Variants in RTTN observed in about 807,000 individuals in gnomAD.
The protein encoded by RTTN is rotatin.
In RTTN, 182 loss-of-function variants were observed where a neutral mutation model predicts 269.2. The observed-to-expected ratio is 0.68, with a 90% CI of 0.60 to 0.76. The LOEUF is 0.76. Ranked by LOEUF, RTTN falls within the 30% of genes least tolerant of loss-of-function variation. The pLI is 0.00. For synonymous variants in RTTN, 1,006 were observed against 963.5 expected, an observed-to-expected ratio of 1.04 and a Z score of -0.82; for missense variants, 2,545 against 2,608.6, an observed-to-expected ratio of 0.98 and a Z score of 0.53.
At chr18:70,007,723 C>A (rs1416133365) in intron 46 of RTTN, 2 of 152,390 alleles carry the variant, frequency 1.3e-5, no homozygotes, top group Non-Finnish European at 2.9e-5. Flanking sequence ...CCTCTCTGGG[C>A]AGGCCATCTC....
intron 46 of RTTN, among the ~76,000 whole-genome samples, 175 bp downstream of exon 46, chr18:70,017,230 TGG>T (rs2056567477): frequency 6.6e-6 from 1 of 152,170 alleles, no homozygotes; most frequent in Non-Finnish European, 1.5e-5. Context: ...AGGAGACTCC[TGG>T]AAGCCCACGG....
intron 26 of RTTN, among the ~76,000 whole-genome samples, chr18:70,119,379 C>CG (rs1226465060): frequency 4.0e-5 from 6 of 151,544 alleles, no homozygotes; most frequent in Admixed American, 2.6e-4. Context: ...AAGATCTCTA[C>CG]ACTAATGTCC....
At position 70,150,651 on chromosome 18, in the gene RTTN, AGAACTTTTGGATGAAGT is replaced by A; in HGVS notation, c.1995_2011del (p.Leu666ValfsTer2). 4 of 1,612,662 alleles carry A rather than the reference AGAACTTTTGGATGAAGT, an allele frequency of 2.5e-6. No individual in the cohort carries two copies. Among genetic ancestry groups the A allele is most frequent in the Non-Finnish European group, 3.4e-6 (4 of 1,178,928 alleles). On this transcript the variant is annotated frameshift_variant, in exon 15 of 49. Coordinates refer to ENST00000640769, the MANE Select transcript of RTTN (RefSeq NM_173630.4). LOFTEE classifies it high-confidence loss of function. ...AATGCCAAATACAGAGATTTCATAC[AGAACTTTTGGATGAAGT>A]AGAAAATGAATTCCATTGCAAAGTG...
intron 38 of RTTN, among the ~76,000 whole-genome samples, chr18:70,053,014 G>A (rs960096509): frequency 2.0e-5 from 3 of 152,078 alleles, no homozygotes; most frequent in Non-Finnish European, 4.4e-5. Context: ...GCATTCACAA[G>A]GCAGCCAATA....
chr18:70,136,931 C>A (rs1273465123), intron 21 of RTTN, among the ~76,000 whole-genome samples: 2 of 151,960 alleles, frequency 1.3e-5, no homozygotes, highest in Non-Finnish European at 2.9e-5. Context: ...AATGTATACT[C>A]ACATGAAATA....
At chr18:70,192,586 C>T (rs1425267278) in intron 8 of RTTN, among the ~76,000 whole-genome samples, 3 of 147,498 alleles carry the variant, frequency 2.0e-5, no homozygotes, top group Non-Finnish European at 1.5e-5. Context: ...GAGGCTGAGG[C>T]GAAAGGATCA....
chr18:70,200,092 T>C (rs1049904313), intron 4 of RTTN, among the ~76,000 whole-genome samples: 12 of 152,224 alleles, frequency 7.9e-5, no homozygotes, highest in Non-Finnish European at 1.6e-4. Flanking sequence ...AGATCTTATA[T>C]AGTACAAGTT....
chr18:70,127,753 G>T lies in RTTN; in HGVS notation c.3144-12C>A. On this transcript the variant is annotated splice_polypyrimidine_tract_variant and intron_variant, in intron 24 of 48. Transcript: ENST00000640769. Reference sequence around the variant, plus strand: ...ATGCATCTAAAATTCTAGACAAAAAGAAAAAAAATGAAGGAGGAACATAAA... The same window carrying T: ...ATGCATCTAAAATTCTAGACAAAAATAAAAAAAATGAAGGAGGAACATAAA... 1 of 1,573,718 alleles carries T rather than the reference G, an allele frequency of 6.4e-7. No homozygotes were observed.
intron 10 of RTTN, among the ~76,000 whole-genome samples, chr18:70,185,931 T>C (rs556418392): frequency 1.3e-5 from 2 of 152,024 alleles, no homozygotes; most frequent in Non-Finnish European, 2.9e-5. Context: ...TTGAAAAGAA[T>C]ACTTAAGAAT....
intron 21 of RTTN, among the ~76,000 whole-genome samples, chr18:70,136,038 A>G (rs1356805355): frequency 6.6e-6 from 1 of 152,178 alleles, no homozygotes; most frequent in East Asian, 1.9e-4. Context: ...CAGCAATAAG[A>G]AGTTTTGAGA....
intron 40 of RTTN, among the ~76,000 whole-genome samples, chr18:70,037,654 T>A (rs917105849): frequency 2.6e-5 from 4 of 152,196 alleles, no homozygotes; most frequent in Admixed American, 2.6e-4. Flanking sequence ...TGGGACGTGC[T>A]GACTTTAGGT....
chr18:70,082,263 T>C (rs1024727284), intron 32 of RTTN, among the ~76,000 whole-genome samples: 2 of 152,202 alleles, frequency 1.3e-5, no homozygotes, highest in African/African-American at 4.8e-5. Context: ...TTATTAAAAT[T>C]ATGCATAAGC....
intron 8 of RTTN, among the ~76,000 whole-genome samples, chr18:70,191,523 T>G (rs933682769): frequency 1.3e-5 from 2 of 152,194 alleles, no homozygotes; most frequent in African/African-American, 4.8e-5. Context: ...TTCGACATCA[T>G]GTAGTGACTT....
intron 42 of RTTN, among the ~76,000 whole-genome samples, chr18:70,029,047 T>C (rs1288120498): frequency 6.6e-6 from 1 of 151,828 alleles, no homozygotes; most frequent in Non-Finnish European, 1.5e-5. Flanking sequence ...GGATATATGA[T>C]AGCCTCCATG....
chr18:70,055,418 T>C (rs987267370), intron 37 of RTTN, among the ~76,000 whole-genome samples: 1 of 152,134 alleles, frequency 6.6e-6, no homozygotes, highest in Non-Finnish European at 1.5e-5. Context: ...GGAGTATGTG[T>C]CTCTGAGGTC....
At position 70,188,127 on chromosome 18, in the gene RTTN, C is replaced by T. The variant is rs974930755; in HGVS notation, c.1286G>A (p.Ser429Asn). 2.9e-5 allele frequency: 46 copies of T among 1,598,030 alleles called. No individual in the cohort carries two copies. The highest frequency in any genetic ancestry group is 3.8e-5 in the Non-Finnish European group (44 of 1,165,832). ...TCTTACCATATCTATACCAAAAAGGCTGCTGTCATCCCAGATATCTGTTGA... is the reference window on the plus strand; with the variant it reads ...TCTTACCATATCTATACCAAAAAGGTTGCTGTCATCCCAGATATCTGTTGA... ...AISTDIWDDS[S>N]LFGIDMKEKL... The change falls in exon 10 of 49, where the codon AGC becomes AAC. Residue 429 changes from serine (S) to asparagine (N), a missense_variant. Physicochemically the swap from Ser to Asn is conservative, Grantham distance 46 (BLOSUM62 1). Coordinates refer to ENST00000640769, the MANE Select transcript of RTTN (RefSeq NM_173630.4).
At chr18:70,110,955 G>A (rs1047025991) in intron 27 of RTTN, among the ~76,000 whole-genome samples, 1 of 152,224 alleles carries the variant, frequency 6.6e-6, no homozygotes, top group South Asian at 2.1e-4. Flanking sequence ...TGGGAAGTTC[G>A]AACTGGGCAG....
intron 14 of RTTN, among the ~76,000 whole-genome samples, chr18:70,164,549 T>C (rs931952077): frequency 2.3e-5 from 1 of 44,326 alleles, no homozygotes; most frequent in Non-Finnish European, 1.2e-4. Flanking sequence ...CATATCACCA[T>C]CAAAAAAAGT....
intron 26 of RTTN, among the ~76,000 whole-genome samples, chr18:70,117,486 A>G (rs1238216127): frequency 6.6e-6 from 1 of 152,050 alleles, no homozygotes; most frequent in Non-Finnish European, 1.5e-5. Context: ...TAAAAGTAGT[A>G]TTATTTATAA....
Sources: gnomAD v4.1 joint callset for allele counts (sites outside exome capture counted in the v4.1 genomes callset) on GRCh38, gnomAD v4.1.1 for gene constraint, MANE v1.5 for transcripts, NCBI Gene and HGNC (gene_info 2026-07-23, HGNC 2026-07-21) for gene names.